Variants in SPAG9 observed in about 807,000 individuals in gnomAD.
SPAG9 encodes the protein C-Jun-amino-terminal kinase-interacting protein 4.
A neutral mutation model predicts 166.5 loss-of-function variants in SPAG9; 35 were observed. That is an observed-to-expected ratio of 0.21 (90% CI 0.16 to 0.28). The LOEUF is 0.28. Ranked by LOEUF, SPAG9 falls within the 10% of genes least tolerant of loss-of-function variation. SPAG9 has a pLI of 1.00. For synonymous variants in SPAG9, 534 were observed against 565.5 expected (o/e 0.94, Z 0.79); for missense variants, 1,235 against 1,603.3 (o/e 0.77, Z 3.92).
chr17:51,046,167 C>T (rs1204902713), intron 4 of SPAG9, among the ~76,000 whole-genome samples: 3 of 152,146 alleles, frequency 2.0e-5, no homozygotes, highest in African/African-American at 7.2e-5. Context: ...TGCTCAGAAG[C>T]TAAATGCAGA....
At chr17:51,012,920 T>C (rs1378709400) in intron 9 of SPAG9, among the ~76,000 whole-genome samples, 1 of 151,658 alleles carries the variant, frequency 6.6e-6, no homozygotes, top group Non-Finnish European at 1.5e-5. Context: ...CTAATTTTGA[T>C]ATTTTTCGCC....
intron 1 of SPAG9, among the ~76,000 whole-genome samples, chr17:51,086,759 T>C (rs935986256): frequency 2.6e-5 from 4 of 151,844 alleles, no homozygotes; most frequent in African/African-American, 9.7e-5. Context: ...CAGTCTCTAC[T>C]AAAAACACAA....
chr17:50,978,874 C>T (rs1403269290), intron 26 of SPAG9, among the ~76,000 whole-genome samples: 1 of 152,158 alleles, frequency 6.6e-6, no homozygotes, highest in Non-Finnish European at 1.5e-5. Flanking sequence ...AAGGTAATAT[C>T]TGCACCTTGG....
rs747715199 is a variant in SPAG9, at chr17:50,987,081, A to G, written c.2939+31T>C. 2.7e-5 allele frequency: 43 copies of G among 1,577,388 alleles called. 1 individual carries two copies. In the Admixed American group the frequency reaches 3.4e-4, roughly 13 times the overall value. ...ATTTCAAAAGCAAAAGTAAAACAAC[A>G]TATTCTAATGTTAAAAGCATTGACA... On this transcript the variant is annotated intron_variant, in intron 22 of 29. Transcript: ENST00000262013.
chr17:51,042,374 CAG>C (rs1320589501), intron 4 of SPAG9: 1 of 152,086 alleles, frequency 6.6e-6, no homozygotes, highest in African/African-American at 2.4e-5. Flanking sequence ...TTAATACTAA[CAG>C]AATTTCAACG....
At chr17:51,092,422 T>C (rs931711117) in intron 1 of SPAG9, among the ~76,000 whole-genome samples, 4 of 152,132 alleles carry the variant, frequency 2.6e-5, no homozygotes, top group African/African-American at 7.2e-5. Flanking sequence ...TAGATACTGA[T>C]TGAAAACAAC....
chr17:51,060,618 T>C (rs780641555), intron 2 of SPAG9, among the ~76,000 whole-genome samples: 14 of 150,110 alleles, frequency 9.3e-5, no homozygotes, highest in Non-Finnish European at 2.1e-4. Flanking sequence ...CAGCAAGAGA[T>C]AGGCAAAAGG....
intron 28 of SPAG9, among the ~76,000 whole-genome samples, chr17:50,971,672 G>C (rs1973830212): frequency 1.3e-5 from 2 of 151,958 alleles, no homozygotes; most frequent in Admixed American, 1.3e-4. Flanking sequence ...GTGTTAGCCA[G>C]GATGGTCTCA....
At position 51,037,686 on chromosome 17, in the gene SPAG9, G is replaced by T. The variant is rs1486757159; in HGVS notation, c.741+3815C>A. ...TGTTTTATATATATATATATATATA[G>T]TGTGTGTGTGTGTGTGTGTGTGTGT... On this transcript the variant is annotated intron_variant, in intron 5 of 29. Coordinates refer to ENST00000262013, the MANE Select transcript of SPAG9 (RefSeq NM_001130528.3). 3.3e-3 allele frequency among the ~76,000 whole-genome samples: 123 copies of T among 36,762 alleles called. 3 individuals carry two copies. Among genetic ancestry groups the T allele is most frequent in the African/African-American group, 9.5e-3 (98 of 10,368 alleles). The allele number at this position is 36,762 out of a possible 152,430, so 24.1% of individuals were successfully genotyped here.
chr17:51,024,555 G>A (rs915672594), intron 6 of SPAG9, among the ~76,000 whole-genome samples: 28 of 151,848 alleles, frequency 1.8e-4, no homozygotes, highest in Non-Finnish European at 3.7e-4. Flanking sequence ...GAGAAACTCC[G>A]TCTCTAAATC....
At chr17:51,117,971 T>A (rs2049342362) in intron 1 of SPAG9, among the ~76,000 whole-genome samples, 1 of 151,430 alleles carries the variant, frequency 6.6e-6, no homozygotes, top group Non-Finnish European at 1.5e-5. Flanking sequence ...CCGTCTCTAC[T>A]AAAATACAAA....
At position 50,966,214 on chromosome 17, in the gene SPAG9, G is replaced by A; in HGVS notation, c.*58C>T. ...AAAGAGCATTAAATAAAAGGATAGA[G>A]GGAAAATAAACCATGCAGAAGAGAC... On this transcript the variant is annotated 3_prime_UTR_variant, in exon 30 of 30. Transcript: ENST00000262013. 9.9e-7 allele frequency: 1 copy of A among 1,011,880 alleles called. No homozygotes were observed. The highest frequency in any genetic ancestry group is 2.0e-4 in the Middle Eastern group (1 of 4,898). The allele number at this position is 1,011,880 out of a possible 1,614,324, so 62.7% of individuals were successfully genotyped here.
In SPAG9 at chr17:50,993,938, G is replaced by GT. The variant is rs1567974016; in HGVS notation, c.2227-4dup. 1 of 1,612,936 alleles carries GT rather than the reference G, an allele frequency of 6.2e-7. No individual in the cohort carries two copies. Among genetic ancestry groups the GT allele is most frequent in the South Asian group, 1.1e-5 (1 of 90,920 alleles). On this transcript the variant is annotated splice_region_variant and splice_polypyrimidine_tract_variant and intron_variant, in intron 18 of 29. Transcript: ENST00000262013. ...TTTTTTAACTCCTTCTGCTGTTCCT[G>GT]TATAGGCAAAGGAGGAAAAATGTTT...
intron 5 of SPAG9, among the ~76,000 whole-genome samples, chr17:51,038,396 T>G (rs751079422): frequency 5.9e-5 from 9 of 152,168 alleles, no homozygotes; most frequent in Admixed American, 6.5e-5. Flanking sequence ...CAGTGTGTGT[T>G]TGCCATGGGG....
At chr17:51,070,379 T>G (rs942868641) in intron 2 of SPAG9, among the ~76,000 whole-genome samples, 8 of 152,160 alleles carry the variant, frequency 5.3e-5, no homozygotes, top group African/African-American at 1.9e-4. Context: ...AACCCTTACT[T>G]CTCCAATTCT....
intron 1 of SPAG9, among the ~76,000 whole-genome samples, chr17:51,091,918 G>A (rs949298447): frequency 1.3e-5 from 2 of 151,062 alleles, no homozygotes; most frequent in African/African-American, 2.4e-5. Flanking sequence ...GGCTTATAGG[G>A]ACTGTTTCGC....
intron 2 of SPAG9, among the ~76,000 whole-genome samples, chr17:51,066,569 A>C (rs2047675543): frequency 6.8e-6 from 1 of 147,238 alleles, no homozygotes; most frequent in Non-Finnish European, 1.5e-5. Context: ...AAAAAAAAGA[A>C]AAAAAAAAAA....
intron 1 of SPAG9, among the ~76,000 whole-genome samples, chr17:51,115,891 G>A (rs757676398): frequency 3.9e-5 from 6 of 152,002 alleles, no homozygotes; most frequent in East Asian, 3.8e-4. Context: ...ATGCCTCTTC[G>A]TTTTTATGTG....
chr17:51,107,059 G>T (rs1253935335), intron 1 of SPAG9, among the ~76,000 whole-genome samples: 2 of 148,810 alleles, frequency 1.3e-5, no homozygotes, highest in African/African-American at 2.5e-5. Context: ...CCAAGATCCC[G>T]CCACTGCACT....
Sources: allele counts gnomAD v4.1 joint callset (sites outside exome capture counted in the v4.1 genomes callset), GRCh38; gene constraint gnomAD v4.1.1; transcripts MANE v1.5; gene names NCBI Gene and HGNC (gene_info 2026-07-23, HGNC 2026-07-21).